The following DPP10 variants were observed in gnomAD, a reference collection of about 807,000 sequenced individuals.
DPP10 encodes inactive dipeptidyl peptidase 10.
In DPP10, 33 loss-of-function variants were observed where a neutral mutation model predicts 120.9. The observed-to-expected ratio is 0.27, with a 90% confidence interval of 0.21 to 0.37. The LOEUF (loss-of-function observed/expected upper bound fraction) is 0.37, where lower values mean the gene tolerates loss of function less well. DPP10 is among the 10% of genes least tolerant of loss of function. The pLI is 1.00. For missense variants in DPP10, 816 were observed against 942.8 expected (o/e 0.87, Z 1.76); for synonymous variants, 337 against 326.1 (o/e 1.03, Z -0.36).
At chr2:114,775,059 G>A (rs1490685856) in intron 1 of DPP10, among the ~76,000 whole-genome samples, 1 of 152,044 alleles carries the variant, frequency 6.6e-6, no homozygotes, top group African/African-American at 2.4e-5. Context: ...TTTGACCTCA[G>A]CCAATCTGGG....
intron 5 of DPP10, among the ~76,000 whole-genome samples, chr2:115,609,049 T>A (rs990785279): frequency 1.3e-5 from 2 of 152,054 alleles, no homozygotes; most frequent in African/African-American, 4.8e-5. Context: ...AGAAAATGAT[T>A]TCTGCTAGGG....
chr2:115,331,115 G>A (rs564986185), intron 2 of DPP10, among the ~76,000 whole-genome samples: 4 of 152,212 alleles, frequency 2.6e-5, no homozygotes, highest in South Asian at 2.1e-4. Context: ...GCAGTGGTTT[G>A]TAGTTCTCCT....
chr2:114,457,947 A>T (rs1401081448), intron 1 of DPP10, among the ~76,000 whole-genome samples: 9 of 152,184 alleles, frequency 5.9e-5, no homozygotes, highest in African/African-American at 1.9e-4. Flanking sequence ...CAGAAGACAG[A>T]CCAGTGTTAA....
At chr2:115,605,044 G>A (rs1464101128) in intron 5 of DPP10, among the ~76,000 whole-genome samples, 6 of 152,132 alleles carry the variant, frequency 3.9e-5, no homozygotes, top group Non-Finnish European at 8.8e-5. Context: ...AACAAAATAC[G>A]AAGATAGGTA....
At chr2:115,582,181 A>G (rs2082037415) in intron 5 of DPP10, among the ~76,000 whole-genome samples, 1 of 151,896 alleles carries the variant, frequency 6.6e-6, no homozygotes, top group Non-Finnish European at 1.5e-5. Context: ...TTCTCCCCTG[A>G]TTTTTCCTTG....
intron 1 of DPP10, among the ~76,000 whole-genome samples, chr2:114,690,737 T>A (rs1346169805): frequency 6.6e-6 from 1 of 152,176 alleles, no homozygotes; most frequent in Non-Finnish European, 1.5e-5. Context: ...TCTCCATTTA[T>A]TTGTGTCCTG....
At chr2:115,433,921 CTTCTGGAGACTTGAA>C (rs1448979537) in intron 3 of DPP10, among the ~76,000 whole-genome samples, 1 of 151,964 alleles carries the variant, frequency 6.6e-6, no homozygotes, top group Non-Finnish European at 1.5e-5. Flanking sequence ...ATTTCCTACA[CTTCTGGAGACTTGAA>C]TTCTGGTCTT....
At chr2:115,344,797 C>T (rs185644732) in intron 3 of DPP10, among the ~76,000 whole-genome samples, 74 of 152,118 alleles carry the variant, frequency 4.9e-4, no homozygotes, top group Admixed American at 1.4e-3. Flanking sequence ...TAATCTTTAC[C>T]CTTCACTTTA....
chr2:114,797,931 A>G (rs1161716658), intron 1 of DPP10, among the ~76,000 whole-genome samples: 1 of 152,208 alleles, frequency 6.6e-6, no homozygotes, highest in Non-Finnish European at 1.5e-5. Context: ...CAAACCAATA[A>G]GGATTAACAT....
At chr2:115,466,876 G>T (rs1269995557) in intron 3 of DPP10, among the ~76,000 whole-genome samples, 1 of 152,146 alleles carries the variant, frequency 6.6e-6, no homozygotes, top group Non-Finnish European at 1.5e-5. Flanking sequence ...ATACTAAAGA[G>T]ATGGCCTATA....
chr2:115,158,513 C>A (rs2052069387), intron 1 of DPP10, among the ~76,000 whole-genome samples: 1 of 152,116 alleles, frequency 6.6e-6, no homozygotes, highest in Non-Finnish European at 1.5e-5. Flanking sequence ...TTGAGGTAAT[C>A]CATTTTCAGA....
chr2:115,844,862 A>C lies in DPP10; in HGVS notation c.*2517A>C, dbSNP rs938503517. ...TTTTGAAAGAGAAAAGTGTTTGTTC[A>C]CTTTCATTGCCTTCATTAAGATCTC... On this transcript the variant is annotated 3_prime_UTR_variant, in exon 26 of 26. Coordinates refer to ENST00000410059, the MANE Select transcript of DPP10 (RefSeq NM_020868.6). 3 of 152,196 alleles carry C rather than the reference A, an allele frequency of 2.0e-5. No homozygotes were observed. Among genetic ancestry groups the C allele is most frequent in the African/African-American group, 7.2e-5 (3 of 41,462 alleles). The allele number at this position is 152,196 out of a possible 1,614,324, so 9.4% of individuals were successfully genotyped here.
At chr2:115,840,127 TA>T (rs1267116293) in intron 24 of DPP10, among the ~76,000 whole-genome samples, 2 of 151,492 alleles carry the variant, frequency 1.3e-5, no homozygotes, top group African/African-American at 4.8e-5. Flanking sequence ...ATAAAATTTA[TA>T]AAAATATGTG....
chr2:114,973,740 T>C (rs1699559613), intron 1 of DPP10, among the ~76,000 whole-genome samples: 1 of 150,870 alleles, frequency 6.6e-6, no homozygotes, highest in South Asian at 2.1e-4. Flanking sequence ...GCAGGTATTG[T>C]TATCATAGGA....
intron 5 of DPP10, among the ~76,000 whole-genome samples, chr2:115,550,124 A>G (rs555461095): frequency 2.6e-5 from 4 of 152,320 alleles, no homozygotes; most frequent in South Asian, 2.1e-4. Context: ...TAAGAAAATG[A>G]AAGAATAAAT....
intron 3 of DPP10, among the ~76,000 whole-genome samples, chr2:115,467,512 G>A (rs1184323546): frequency 6.6e-6 from 1 of 150,932 alleles, no homozygotes; most frequent in Non-Finnish European, 1.5e-5. Context: ...GGGAGGCAGA[G>A]GTTGCAGTGA....
At chr2:115,607,163 G>T (rs551543092) in intron 5 of DPP10, among the ~76,000 whole-genome samples, 18 of 152,192 alleles carry the variant, frequency 1.2e-4, no homozygotes, top group Admixed American at 5.9e-4. Context: ...AATCCCTTAC[G>T]CTGTCTTAAT....
At chr2:115,674,826 G>A (rs2090146810) in intron 5 of DPP10, among the ~76,000 whole-genome samples, 1 of 152,124 alleles carries the variant, frequency 6.6e-6, no homozygotes, top group African/African-American at 2.4e-5. Flanking sequence ...TGCTATGGAA[G>A]AAAACAACTT....
intron 1 of DPP10, among the ~76,000 whole-genome samples, chr2:115,206,382 A>G (rs971156214): frequency 1.3e-5 from 2 of 152,186 alleles, no homozygotes; most frequent in Non-Finnish European, 2.9e-5. Context: ...AAAAAGTTTC[A>G]TGAAGAGAGT....
Sources: gnomAD v4.1 joint callset for allele counts (sites outside exome capture counted in the v4.1 genomes callset) on GRCh38, gnomAD v4.1.1 for gene constraint, MANE v1.5 for transcripts, NCBI Gene and HGNC (gene_info 2026-07-23, HGNC 2026-07-21) for gene names.